ERC1: variants seen among roughly 807,000 people sequenced by gnomAD.
ERC1 encodes ELKS/RAB6-interacting/CAST family member 1.
ERC1 carries 56 observed loss-of-function variants against 132.0 expected under a neutral mutation model. The observed-to-expected ratio is 0.42, with a 90% CI of 0.34 to 0.53. ERC1 has a LOEUF of 0.53. Among genes scored for constraint, ERC1 ranks in the 20% least tolerant of loss-of-function variants. ERC1 has a pLI of 0.03. For missense variants in ERC1, 1,202 were observed against 1,349.9 expected (o/e 0.89, Z 1.72); for synonymous variants, 478 against 476.1 (o/e 1.00, Z -0.05).
At position 1,321,903 on chromosome 12, in the gene ERC1, A is replaced by G. The variant is rs117361871; in HGVS notation, c.2780+31891A>G. On this transcript the variant is annotated intron_variant, in intron 15 of 18. Coordinates refer to ENST00000360905, the MANE Select transcript of ERC1 (RefSeq NM_178040.4). ...TGATTATAAGAACAAACGGGGATCAATGCATTACATCTTTAGAATACAGGA... is the reference window on the plus strand; with the variant it reads ...TGATTATAAGAACAAACGGGGATCAGTGCATTACATCTTTAGAATACAGGA... Among the ~76,000 whole-genome samples, 1,127 of 152,126 alleles carry G rather than the reference A, an allele frequency of 7.4e-3. 11 individuals carry two copies. The highest frequency in any genetic ancestry group is 0.012 in the Non-Finnish European group (790 of 67,936).
intron 14 of ERC1, among the ~76,000 whole-genome samples, chr12:1,270,609 A>G (rs1161303758): frequency 6.6e-5 from 10 of 151,890 alleles, no homozygotes; most frequent in Admixed American, 6.6e-4. Context: ...ATGTTTAATA[A>G]GATACATTTT....
chr12:1,378,848 C>T (rs1055702521), intron 16 of ERC1, among the ~76,000 whole-genome samples: 1 of 152,156 alleles, frequency 6.6e-6, no homozygotes, highest in African/African-American at 2.4e-5. Flanking sequence ...GCATCTGAAC[C>T]TTCAGATGAC....
intron 13 of ERC1, among the ~76,000 whole-genome samples, chr12:1,253,897 T>G (rs1594568229): frequency 6.6e-6 from 1 of 152,178 alleles, no homozygotes; most frequent in Non-Finnish European, 1.5e-5. Flanking sequence ...TATAGGAGTC[T>G]TCTTCTTTAA....
rs1221483425 is a variant in ERC1, at chr12:1,454,773, CAT to C, written c.3213+10028_3213+10029del. Among the ~76,000 whole-genome samples, 6 of 152,334 alleles carry C rather than the reference CAT, an allele frequency of 3.9e-5. No homozygotes were observed. The East Asian group carries it at 7.7e-4, about 20-fold the overall frequency. ...AGTCCATATTTTTAGCGTTTTAATA[CAT>C]ATATGTTTCCATAAACAATGTACAA... On this transcript the variant is annotated intron_variant, in intron 18 of 18. Coordinates refer to ENST00000360905, the MANE Select transcript of ERC1 (RefSeq NM_178040.4).
intron 18 of ERC1, among the ~76,000 whole-genome samples, chr12:1,454,059 T>C (rs1233846988): frequency 6.6e-6 from 1 of 152,096 alleles, no homozygotes. Flanking sequence ...CACCCCAGCC[T>C]CTAGAGAGAG....
chr12:1,484,643 T>A (rs1300159072), intron 18 of ERC1, among the ~76,000 whole-genome samples: 1 of 151,068 alleles, frequency 6.6e-6, no homozygotes, highest in East Asian at 2.0e-4. Context: ...AGTGGCGTGA[T>A]CTCGGCTCAC....
At chr12:1,076,800 A>G (rs10505720) in intron 2 of ERC1, among the ~76,000 whole-genome samples, 34,551 of 152,114 alleles carry the variant, frequency 0.23, 4,348 homozygotes, top group Middle Eastern at 0.28. Flanking sequence ...ATTTCTCAAC[A>G]TTTAATTTTT....
rs541044491 is a variant in ERC1, at chr12:1,162,510, G to A, written c.1738-18030G>A. On this transcript the variant is annotated intron_variant, in intron 8 of 18. Transcript: ENST00000360905. ...TTGTTTTTTTTTTTTGTCCTAGTTG[G>A]TTCTTTAAGTCTCTTCTATTTTGTT... is the stretch of plus-strand genomic sequence containing the variant. Among the ~76,000 whole-genome samples the A allele has an allele frequency of 1.0e-4, 15 of 150,566 alleles. No homozygotes were observed. In the South Asian group the frequency reaches 2.9e-3, roughly 29 times the overall value.
At chr12:996,622 C>A (rs1402212125) in intron 1 of ERC1, among the ~76,000 whole-genome samples, 1 of 152,006 alleles carries the variant, frequency 6.6e-6, no homozygotes, top group African/African-American at 2.4e-5. Context: ...CTTTTCAGAA[C>A]AAAATAGGCA....
intron 18 of ERC1, among the ~76,000 whole-genome samples, chr12:1,471,972 T>G (rs2093871336): frequency 6.6e-6 from 1 of 152,212 alleles, no homozygotes; most frequent in Admixed American, 6.5e-5. Context: ...GCCCTGTACC[T>G]CTTGAGACCT....
At chr12:1,402,278 C>T (rs2091134217) in intron 16 of ERC1, among the ~76,000 whole-genome samples, 2 of 151,994 alleles carry the variant, frequency 1.3e-5, no homozygotes, top group South Asian at 2.1e-4. Flanking sequence ...CGCCGTAATC[C>T]CAGCACTTTG....
intron 17 of ERC1, among the ~76,000 whole-genome samples, chr12:1,435,627 G>A (rs1216997692): frequency 1.3e-5 from 2 of 152,158 alleles, no homozygotes; most frequent in Non-Finnish European, 1.5e-5. Flanking sequence ...AAACTAAGCT[G>A]TACTAAGCTG....
intron 12 of ERC1, among the ~76,000 whole-genome samples, chr12:1,234,169 C>A (rs1183759935): frequency 6.6e-6 from 1 of 152,086 alleles, no homozygotes; most frequent in African/African-American, 2.4e-5. Context: ...ACACACTGAC[C>A]AGTTTTCAAC....
chr12:1,247,060 T>C (rs951929048), intron 13 of ERC1, among the ~76,000 whole-genome samples: 4 of 145,916 alleles, frequency 2.7e-5, no homozygotes, highest in African/African-American at 1.0e-4. Context: ...GCCCAGGAGT[T>C]TGAGGTTGCA....
chr12:1,263,081 A>T lies in ERC1; in HGVS notation c.2535A>T (p.Ala845=). The change falls in exon 14 of 19, where the codon GCA becomes GCT. Residue 845 remains alanine, a synonymous_variant. Transcript: ENST00000360905. ...KDDRIEELEE[A]LRESVQITAE... is the part of the protein sequence containing the mutation. ...ACAGGATTGAAGAGCTGGAAGAAGC[A>T]CTAAGAGAAAGTGTACAGATAACTG... 1 of 1,614,066 alleles carries T rather than the reference A, an allele frequency of 6.2e-7. No homozygotes were observed. The highest frequency in any genetic ancestry group is 8.5e-7 in the Non-Finnish European group (1 of 1,179,936).
At chr12:1,341,284 A>G (rs2083864308) in intron 15 of ERC1, among the ~76,000 whole-genome samples, 1 of 151,346 alleles carries the variant, frequency 6.6e-6, no homozygotes, top group Non-Finnish European at 1.5e-5. Context: ...TTCAATAGAG[A>G]CAGGGTTTCG....
At chr12:1,304,995 G>A (rs377187508) in intron 15 of ERC1, among the ~76,000 whole-genome samples, 371 of 151,308 alleles carry the variant, frequency 2.5e-3, no homozygotes, top group African/African-American at 8.3e-3. Flanking sequence ...TCACCGTGTT[G>A]GCCAGGATGG....
intron 8 of ERC1, among the ~76,000 whole-genome samples, chr12:1,180,253 A>ATGTG (rs3216970): frequency 0.026 from 3,763 of 146,652 alleles, 67 homozygotes; most frequent in South Asian, 0.057. Flanking sequence ...TTTGTTAGGG[A>ATGTG]TGTGTGTGTG....
intron 1 of ERC1, among the ~76,000 whole-genome samples, chr12:1,021,620 A>G (rs887505148): frequency 7.3e-5 from 11 of 150,140 alleles, no homozygotes; most frequent in Non-Finnish European, 1.6e-4. Flanking sequence ...AATGGCATGA[A>G]CCCGGGAGGC....
Sources: gnomAD v4.1 joint callset for allele counts (sites outside exome capture counted in the v4.1 genomes callset) on GRCh38, gnomAD v4.1.1 for gene constraint, MANE v1.5 for transcripts, NCBI Gene and HGNC (gene_info 2026-07-23, HGNC 2026-07-21) for gene names.